Variants in SMG1 observed in about 807,000 individuals in gnomAD.
SMG1 encodes the protein serine/threonine-protein kinase SMG1.
A neutral mutation model predicts 419.9 loss-of-function variants in SMG1; 22 were observed. The observed-to-expected ratio is 0.05, with a 90% CI of 0.04 to 0.07. The LOEUF (loss-of-function observed/expected upper bound fraction) is 0.07. SMG1 is among the 10% of genes least tolerant of loss of function. SMG1 has a pLI of 1.00. For missense variants in SMG1, 3,185 were observed against 4,342.0 expected, an observed-to-expected ratio of 0.73 and a Z score of 7.49; for synonymous variants, 1,538 against 1,553.5, an observed-to-expected ratio of 0.99 and a Z score of 0.23.
At chr16:18,814,844 C>G (rs574283383) in intron 60 of SMG1, among the ~76,000 whole-genome samples, 1 of 147,972 alleles carries the variant, frequency 6.8e-6, no homozygotes. Flanking sequence ...TCCCAAAGTG[C>G]TGGGATTATG....
intron 62 of SMG1, among the ~76,000 whole-genome samples, chr16:18,811,396 G>A (rs953139339): frequency 1.5e-4 from 23 of 152,172 alleles, no homozygotes; most frequent in African/African-American, 4.8e-4. Flanking sequence ...TGGAGCATAT[G>A]AGTTTCTAAT....
chr16:18,849,526 G>T, intron 35 of SMG1, 148 bp from the exon 36 acceptor site: 1 of 789,548 alleles, frequency 1.3e-6, no homozygotes, highest in Non-Finnish European at 2.0e-6. Context: ...TGATAATAAA[G>T]AACCATACAC....
intron 1 of SMG1, among the ~76,000 whole-genome samples, chr16:18,902,590 C>T (rs1275467655): frequency 2.0e-5 from 3 of 151,942 alleles, no homozygotes; most frequent in Admixed American, 1.3e-4. Flanking sequence ...GATCCAGCAA[C>T]TCAGGTGGCT....
intron 45 of SMG1, 99 bp downstream of exon 45, chr16:18,837,915 C>CA (rs1175405044): frequency 3.9e-5 from 53 of 1,355,214 alleles, no homozygotes; most frequent in Admixed American, 3.3e-4. Context: ...TTAGTTTTGC[C>CA]AAAAAAATTA....
At chr16:18,916,560 T>C (rs1185339746) in intron 1 of SMG1, among the ~76,000 whole-genome samples, 2 of 145,402 alleles carry the variant, frequency 1.4e-5, no homozygotes, top group African/African-American at 2.5e-5. Context: ...AAACCAAGTA[T>C]CTCTGCATGA....
intron 1 of SMG1, among the ~76,000 whole-genome samples, chr16:18,919,144 T>C (rs1307414124): frequency 1.3e-5 from 2 of 151,844 alleles, no homozygotes; most frequent in Admixed American, 6.6e-5. Flanking sequence ...CTGGTCGACA[T>C]GGTGAAACCC....
Position 18,863,755 on chromosome 16 carries a change from A to C in SMG1, c.3590T>G (p.Ile1197Ser). The change falls in exon 25 of 63, where the codon ATT (isoleucine) becomes AGT (serine). Residue 1197 changes from isoleucine to serine, a missense_variant. Coordinates refer to ENST00000446231, the MANE Select transcript of SMG1 (RefSeq NM_015092.5). ...TTCCTGCACAGCAGCCCAATCGGCA[A>C]TTGAGATGTAGCACTCACATGCTTT... ...GNKACECYIS[I>S]ADWAAVQEWQ... 1 of 1,580,212 alleles carries C rather than the reference A, an allele frequency of 6.3e-7. No homozygotes were observed. Among genetic ancestry groups the C allele is most frequent in the Non-Finnish European group, 8.6e-7 (1 of 1,163,254 alleles).
At chr16:18,879,123 T>C (rs2036274986) in intron 11 of SMG1, 3 of 291,758 alleles carry the variant, frequency 1.0e-5, no homozygotes, top group Non-Finnish European at 2.0e-5. Flanking sequence ...CCTTATTTTT[T>C]TTTCTTTTTT....
At chr16:18,909,214 T>G (rs2037699791) in intron 1 of SMG1, among the ~76,000 whole-genome samples, 1 of 150,500 alleles carries the variant, frequency 6.6e-6, no homozygotes, top group Admixed American at 6.6e-5. Context: ...TGGTGGTGCA[T>G]GCCTGTAATC....
At chr16:18,888,690 T>C (rs2036745946) in intron 6 of SMG1, among the ~76,000 whole-genome samples, 1 of 151,858 alleles carries the variant, frequency 6.6e-6, no homozygotes, top group East Asian at 1.9e-4. Context: ...ATGGTTTCGA[T>C]CTCTTGACCT....
intron 29 of SMG1, among the ~76,000 whole-genome samples, chr16:18,855,412 G>A (rs2034842296): frequency 1.3e-5 from 2 of 152,064 alleles, no homozygotes; most frequent in Admixed American, 1.3e-4. Flanking sequence ...CTTTTCCTGT[G>A]TCTTCAATTA....
At chr16:18,922,778 C>T (rs1221283838) in intron 1 of SMG1, among the ~76,000 whole-genome samples, 3 of 152,008 alleles carry the variant, frequency 2.0e-5, no homozygotes, top group African/African-American at 4.8e-5. Flanking sequence ...CTGCCCCCGG[C>T]CTGCTTAACC....
rs2037147864 is a variant in SMG1 at position 18,896,802 on chromosome 16, C to T, written c.247G>A (p.Asp83Asn). Residue 83 changes from aspartate (D) to asparagine (N), a missense_variant, in exon 2 of 63, where the codon GAC (aspartate) becomes AAC (asparagine). Transcript: ENST00000446231. ...AAGAAAATATATATACCCTTTTCGTCATTCTGTATGTCAGCGTGGACTCTG... is the reference window on the plus strand; with the variant it reads ...AAGAAAATATATATACCCTTTTCGTTATTCTGTATGTCAGCGTGGACTCTG... ...DTRVHADIQN[D>N]EKGGYSVNGG... 1 of 1,605,168 alleles carries T rather than the reference C, an allele frequency of 6.2e-7. No homozygotes were observed. Among genetic ancestry groups the T allele is most frequent in the African/African-American group, 1.3e-5 (1 of 74,694 alleles).
chr16:18,836,208 A>C lies in SMG1; in HGVS notation c.7782T>G (p.Pro2594=). 1.2e-6 allele frequency: 2 copies of C among 1,611,398 alleles called. No homozygotes were observed. Among genetic ancestry groups the C allele is most frequent in the Non-Finnish European group, 8.5e-7 (1 of 1,178,394 alleles). ...AGGCTGTTGCTGGCACGTAACTTGG[A>C]GGACCTTTTGGTAAAAGACATTATT... ...QEISTQMDLG[P]PSYVPATAFL... is the part of the protein sequence containing the mutation. Residue 2594 remains proline, a synonymous_variant, in exon 48 of 63, where the codon CCT becomes CCG. Transcript: ENST00000446231.
chr16:18,919,650 G>GTGTGTT (rs1314775703), intron 1 of SMG1, among the ~76,000 whole-genome samples: 1 of 82,004 alleles, frequency 1.2e-5, no homozygotes, highest in Non-Finnish European at 2.4e-5. Context: ...GTGTGTGTGT[G>GTGTGTT]TATATATACA....
intron 60 of SMG1, among the ~76,000 whole-genome samples, chr16:18,814,214 G>C (rs1255620914): frequency 6.6e-6 from 1 of 152,118 alleles, no homozygotes; most frequent in African/African-American, 2.4e-5. Context: ...CAATGTGTTT[G>C]TGTATGTGTA....
Position 18,892,304 on chromosome 16 carries a change from T to C in SMG1, c.463A>G (p.Arg155Gly). The C allele has an allele frequency of 6.5e-7, 1 of 1,550,288 alleles. No individual in the cohort carries two copies. The highest frequency in any genetic ancestry group is 2.0e-5 in the Admixed American group (1 of 51,030). ...DESRLSNLLR[R>G]ITREDDRDRR... Reference sequence around the variant, plus strand: ...TCTCTGTCGTCTTCCCGGGTGATCCTCCGAAGAAGATTCGACAGTCGAGAC... The same window carrying C: ...TCTCTGTCGTCTTCCCGGGTGATCCCCCGAAGAAGATTCGACAGTCGAGAC... Residue 155 changes from arginine to glycine, a missense_variant, in exon 4 of 63, where the codon AGG becomes GGG. Arg to Gly is a moderately radical substitution (Grantham distance 125). Around this residue, in one of 27 missense-constraint regions of SMG1, gnomAD observed 23 missense variants for 20.5 expected, o/e 1.12. Transcript: ENST00000446231.
chr16:18,873,469 C>G (rs529129451), intron 13 of SMG1, among the ~76,000 whole-genome samples: 1 of 152,252 alleles, frequency 6.6e-6, no homozygotes, highest in South Asian at 2.1e-4. Context: ...TGATCTGCCC[C>G]CCTCGGTCTC....
chr16:18,906,516 A>G (rs902247667), intron 1 of SMG1, among the ~76,000 whole-genome samples: 7 of 152,106 alleles, frequency 4.6e-5, no homozygotes, highest in Non-Finnish European at 1.5e-5. Flanking sequence ...ATACCATAAA[A>G]TACCTGCACC....
Sources: allele counts gnomAD v4.1 joint callset (sites outside exome capture counted in the v4.1 genomes callset), GRCh38; gene constraint gnomAD v4.1.1; regional missense constraint gnomAD v4.1.1; transcripts MANE v1.5; gene names NCBI Gene and HGNC (gene_info 2026-07-23, HGNC 2026-07-21).